Variants in PLB1 observed in about 807,000 individuals in gnomAD.
PLB1 encodes the protein phospholipase B1, membrane-associated.
In PLB1, 242 loss-of-function variants were observed where a neutral mutation model predicts 227.4. That is an observed-to-expected ratio of 1.06 (90% CI 0.96 to 1.18). The LOEUF is 1.18. Ranked by LOEUF, PLB1 falls within the 50% of genes most tolerant of loss-of-function variation. PLB1 has a pLI of 0.00. For synonymous variants in PLB1, 757 were observed against 682.2 expected (o/e 1.11, Z -1.71); for missense variants, 1,858 against 1,816.3 (o/e 1.02, Z -0.42).
chr2:28,638,514 G>A (rs1348641872), intron 56 of PLB1, among the ~76,000 whole-genome samples: 1 of 152,102 alleles, frequency 6.6e-6, no homozygotes, highest in African/African-American at 2.4e-5. Flanking sequence ...GGTGGACCTG[G>A]AAAGACCACT....
At chr2:28,511,322 C>T (rs1475304217) in intron 1 of PLB1, among the ~76,000 whole-genome samples, 2 of 151,704 alleles carry the variant, frequency 1.3e-5, no homozygotes, top group Non-Finnish European at 2.9e-5. Context: ...TCTAATGACA[C>T]TTTAAAAATT....
chr2:28,537,235 C>G (rs1237763619), intron 9 of PLB1, among the ~76,000 whole-genome samples: 4 of 152,182 alleles, frequency 2.6e-5, no homozygotes, highest in Admixed American at 6.5e-5. Flanking sequence ...TGACAGCTGT[C>G]TCCAGAGTCA....
intron 21 of PLB1, among the ~76,000 whole-genome samples, chr2:28,577,843 G>A (rs1881252): frequency 0.49 from 73,819 of 151,926 alleles, 18,144 homozygotes; most frequent in Admixed American, 0.58. Flanking sequence ...CCATCTCAGG[G>A]GAAACAAAAA....
In PLB1 at chr2:28,582,399, T is replaced by C; in HGVS notation, c.1633-6T>C. ...CCTCTTGGTGACTGAGTTTGCCTTT[T>C]CTCAGGTTCCTCGGGCATTTGTGAA... is the stretch of plus-strand genomic sequence containing the variant. On this transcript the variant is annotated splice_polypyrimidine_tract_variant and splice_region_variant and intron_variant, in intron 24 of 57. Transcript: ENST00000327757. 1 of 1,611,840 alleles carries C rather than the reference T, an allele frequency of 6.2e-7. No individual in the cohort carries two copies.
chr2:28,634,778 G>GT (rs1173799679), intron 56 of PLB1, among the ~76,000 whole-genome samples: 2 of 152,220 alleles, frequency 1.3e-5, no homozygotes, highest in African/African-American at 4.8e-5. Flanking sequence ...AGGTGTGGTG[G>GT]TGCATGCCTG....
At chr2:28,579,752 A>G (rs764436637) in intron 23 of PLB1, 45 bp downstream of exon 23, 14 of 1,507,364 alleles carry the variant, frequency 9.3e-6, no homozygotes, top group Middle Eastern at 1.7e-4. Flanking sequence ...CCAGAGAAGG[A>G]TTTTCACAGC....
At chr2:28,624,409 A>AAT (rs1553461909) in intron 49 of PLB1, among the ~76,000 whole-genome samples, 1 of 151,922 alleles carries the variant, frequency 6.6e-6, no homozygotes, top group Non-Finnish European at 1.5e-5. Context: ...TTTATGGCTG[A>AAT]GTAGTGTTCC....
At chr2:28,567,840 C>G (rs1677312759) in intron 20 of PLB1, among the ~76,000 whole-genome samples, 1 of 152,128 alleles carries the variant, frequency 6.6e-6, no homozygotes, top group African/African-American at 2.4e-5. Context: ...CATCTCCCTG[C>G]TTGTTCTTAA....
At chr2:28,543,318 C>T in intron 14 of PLB1, 50 bp downstream of exon 14, 1 of 1,577,390 alleles carries the variant, frequency 6.3e-7, no homozygotes, top group South Asian at 1.1e-5. Flanking sequence ...GGCAAGGTCT[C>T]CACCACCACT....
intron 33 of PLB1, among the ~76,000 whole-genome samples, chr2:28,597,188 C>T (rs558120697): frequency 3.3e-4 from 49 of 148,440 alleles, no homozygotes; most frequent in African/African-American, 8.0e-4. Context: ...GGCATGAACC[C>T]GGGAGGCGGA....
chr2:28,625,232 C>A, intron 50 of PLB1, 124 bp downstream of exon 50: 1 of 899,054 alleles, frequency 1.1e-6, no homozygotes, highest in Admixed American at 2.5e-5. Flanking sequence ...AAAAGATCCT[C>A]GGAGAAGCAG....
At chr2:28,543,438 T>C (rs890179083) in intron 14 of PLB1, among the ~76,000 whole-genome samples, 170 bp downstream of exon 14, 2 of 152,188 alleles carry the variant, frequency 1.3e-5, no homozygotes, top group East Asian at 3.9e-4. Context: ...TCTGACTGCC[T>C]GAGACTTTGC....
intron 43 of PLB1, among the ~76,000 whole-genome samples, chr2:28,607,716 G>A (rs1191121178): frequency 6.6e-6 from 1 of 150,558 alleles, no homozygotes; most frequent in African/African-American, 2.4e-5. Flanking sequence ...CTTTCCTAAG[G>A]ATGCCTGGGG....
chr2:28,617,812 T>C (rs746451149), intron 45 of PLB1, 25 bp downstream of exon 45: 1 of 1,605,760 alleles, frequency 6.2e-7, no homozygotes, highest in South Asian at 1.1e-5. Flanking sequence ...CATCATCTCC[T>C]TCAATTAAGG....
chr2:28,498,359 GA>G (rs1366900712), intron 1 of PLB1, among the ~76,000 whole-genome samples: 1 of 150,692 alleles, frequency 6.6e-6, no homozygotes, highest in East Asian at 1.9e-4. Context: ...AAGTAGCTGG[GA>G]CCACACACCC....
chr2:28,643,166 A>G lies in PLB1; in HGVS notation c.*105A>G. 2.6e-6 allele frequency: 3 copies of G among 1,160,880 alleles called. No homozygotes were observed. Among genetic ancestry groups the G allele is most frequent in the South Asian group, 3.6e-5 (2 of 55,930 alleles). The allele number at this position is 1,160,880 out of a possible 1,614,324, so 71.9% of individuals were successfully genotyped here. A position where few individuals can be genotyped will look rare whatever the true frequency, so the allele number is the denominator to read the frequency against. On this transcript the variant is annotated 3_prime_UTR_variant, in exon 58 of 58. Transcript: ENST00000327757. ...AGGACATGCTTCAATGCCTGGTGCC[A>G]TAGGAAGCCCAGGGGACAGTCACAA...
Position 28,558,462 on chromosome 2 carries a change from T to G in PLB1, c.1148-4579T>G, listed in dbSNP as rs985732906. 1.1e-3 allele frequency among the ~76,000 whole-genome samples: 172 copies of G among 152,168 alleles called. 2 individuals carry two copies. Among genetic ancestry groups the G allele is most frequent in the Admixed American group, 0.011 (170 of 15,284 alleles). ...GGAGGGAAAAGGTCTTATTTTTTGT[T>G]TTGTTGCCTTTTTAACCCCATTGCG... is the stretch of plus-strand genomic sequence containing the variant. On this transcript the variant is annotated intron_variant, in intron 17 of 57. Transcript: ENST00000327757.
At position 28,496,175 on chromosome 2, in the gene PLB1, C is replaced by A. The variant is rs753388556; in HGVS notation, c.55+6C>A. The A allele has an allele frequency of 5.0e-6, 8 of 1,613,712 alleles. No homozygotes were observed. Among genetic ancestry groups the A allele is most frequent in the Non-Finnish European group, 5.9e-6 (7 of 1,179,712 alleles). ...GCTGCTGCTTCTGGGGCAAGGTAAG[C>A]GTGCCTTTTGCTCAGAGGACAACCA... On this transcript the variant is annotated splice_donor_region_variant and intron_variant, in intron 1 of 57. Transcript: ENST00000327757.
chr2:28,633,675 C>G (rs1688965132), intron 56 of PLB1, among the ~76,000 whole-genome samples: 1 of 152,234 alleles, frequency 6.6e-6, no homozygotes, highest in Non-Finnish European at 1.5e-5. Flanking sequence ...CTTTCAGGGA[C>G]ACCTGCCTGG....
Sources: allele counts gnomAD v4.1 joint callset (sites outside exome capture counted in the v4.1 genomes callset), GRCh38; gene constraint gnomAD v4.1.1; transcripts MANE v1.5; gene names NCBI Gene and HGNC (gene_info 2026-07-23, HGNC 2026-07-21).